GNG7: variants seen among roughly 807,000 people sequenced by gnomAD.
The protein encoded by GNG7 is G protein subunit gamma 7.
In GNG7, 1 loss-of-function variant was observed where a neutral mutation model predicts 4.0. That is an observed-to-expected ratio of 0.25 (90% confidence interval 0.09 to 1.18). The LOEUF (loss-of-function observed/expected upper bound fraction) is 1.18, where lower values mean the gene tolerates loss of function less well. GNG7 is among the 50% of genes most tolerant of loss of function. The pLI is 0.50. For synonymous variants in GNG7, 34 were observed against 36.9 expected (o/e 0.92, Z 0.29); for missense variants, 86 against 91.9 (o/e 0.94, Z 0.26).
Position 2,602,952 on chromosome 19 carries a change from TTTTC to T in GNG7, c.-78+43268_-78+43271del, listed in dbSNP as rs1247641747. On this transcript the variant is annotated intron_variant, in intron 2 of 4. Coordinates refer to ENST00000382159, the MANE Select transcript of GNG7 (RefSeq NM_052847.3). The stretch of plus-strand genomic sequence containing the variant: ...GTTTCTTCCTTTCTTCCTTTCTTTC[TTTTC>T]TTTCTCTTTCTTTCTTTCTCTCTCT... Among the ~76,000 whole-genome samples the T allele has an allele frequency of 2.7e-5, 4 of 148,402 alleles. 1 individual carries two copies. In the South Asian group the frequency reaches 6.2e-4, roughly 23 times the overall value.
In GNG7 at chr19:2,546,987, G is replaced by A. The variant is rs182902611; in HGVS notation, c.-38+8162C>T. ...CCGGCCTCGTGACGGTGGTGCTCGG[G>A]AGCTGAAGGGCAGGAGGGTTAGGAA... On this transcript the variant is annotated intron_variant, in intron 3 of 4. Transcript: ENST00000382159. The surrounding 1 kb of genome is among the most constrained non-coding windows in gnomAD (Gnocchi z 6.3). Among the ~76,000 whole-genome samples the A allele has an allele frequency of 0.01, 1,553 of 152,100 alleles. 22 individuals carry two copies. Among genetic ancestry groups the A allele is most frequent in the African/African-American group, 0.035 (1,463 of 41,488 alleles).
intron 3 of GNG7, among the ~76,000 whole-genome samples, chr19:2,522,756 A>C (rs1402080740): frequency 2.7e-5 from 2 of 74,404 alleles, no homozygotes; most frequent in South Asian, 5.3e-4. Flanking sequence ...TGTCTCAAAA[A>C]AAAAAAAAAA....
In GNG7 at chr19:2,512,830, T is replaced by A; in HGVS notation, c.*2192A>T. On this transcript the variant is annotated 3_prime_UTR_variant, in exon 5 of 5. Transcript: ENST00000382159. This position sits in a 1 kb window ranked among gnomAD's most constrained non-coding sequence, Gnocchi z 4.7. ...AGGGTGGAGGCAGGCGGGCTCTCCC[T>A]GCCTGGGGTCCTCCCAGGGTCTCTG... The A allele has an allele frequency of 1.1e-6, 1 of 899,422 alleles. No individual in the cohort carries two copies. Among genetic ancestry groups the A allele is most frequent in the Non-Finnish European group, 1.3e-6 (1 of 751,278 alleles). 55.7% of individuals were successfully genotyped at this position (899,422 alleles called of 1,614,324 possible).
chr19:2,616,460 G>C (rs1244661665), intron 2 of GNG7, among the ~76,000 whole-genome samples: 3 of 152,044 alleles, frequency 2.0e-5, no homozygotes, highest in Non-Finnish European at 2.9e-5. Flanking sequence ...AGCCAGGCTA[G>C]AGACTCCATC....
chr19:2,575,789 G>A (rs1178787214), intron 2 of GNG7, among the ~76,000 whole-genome samples: 21 of 99,400 alleles, frequency 2.1e-4, no homozygotes, highest in Admixed American at 6.7e-4. Flanking sequence ...ATGCAGACAC[G>A]CAGGCACACA....
chr19:2,542,259 C>T (rs1020783764), intron 3 of GNG7, among the ~76,000 whole-genome samples: 30 of 151,832 alleles, frequency 2.0e-4, no homozygotes, highest in East Asian at 9.7e-4. Context: ...CGATTACAGG[C>T]GCTCACAACC....
rs759371680 is a variant in GNG7, at chr19:2,515,030, T to G, written c.199A>C (p.Ile67Leu). 6.2e-7 allele frequency: 1 copy of G among 1,612,388 alleles called. No homozygotes were observed. The highest frequency in any genetic ancestry group is 8.5e-7 in the Non-Finnish European group (1 of 1,178,784). ...AACATATGAGAACACAGTTATAAAA[T>G]AATACAAGGTTTCTTGTCCTTAAAG... is the stretch of plus-strand genomic sequence containing the variant. ...NPFKDKKPCI[I>L]L The change falls in exon 5 of 5, where the codon ATT becomes CTT. Residue 67 changes from isoleucine to leucine, a missense_variant. Ile to Leu is a conservative substitution (Grantham distance 5). Transcript: ENST00000382159.
At chr19:2,563,314 T>C (rs1321732907) in intron 2 of GNG7, among the ~76,000 whole-genome samples, 1 of 152,114 alleles carries the variant, frequency 6.6e-6, no homozygotes, top group Non-Finnish European at 1.5e-5. Context: ...GCCTGGATCA[T>C]TCTCTGGGGT....
chr19:2,602,184 A>AG (rs1981218606), intron 2 of GNG7, among the ~76,000 whole-genome samples: 1 of 152,144 alleles, frequency 6.6e-6, no homozygotes, highest in African/African-American at 2.4e-5. Context: ...TAAAAATGCA[A>AG]AAATTAGCCG....
chr19:2,516,362 C>T (rs1459558839), intron 4 of GNG7, among the ~76,000 whole-genome samples: 7 of 151,942 alleles, frequency 4.6e-5, no homozygotes, highest in Admixed American at 4.6e-4. Context: ...GTAGCTGGGA[C>T]TACAGGTGCC....
At position 2,514,893 on chromosome 19, in the gene GNG7, A is replaced by T; in HGVS notation, c.*129T>A. On this transcript the variant is annotated 3_prime_UTR_variant, in exon 5 of 5. Transcript: ENST00000382159. ...GAGAGGGGGGATTTCTTTTGGAATT[A>T]AAGGTTTTGGGGACTTGAGATGTTT... The T allele has an allele frequency of 1.3e-6, 1 of 746,378 alleles. No homozygotes were observed. Among genetic ancestry groups the T allele is most frequent in the Non-Finnish European group, 2.1e-6 (1 of 465,222 alleles). 46.2% of individuals were successfully genotyped at this position (746,378 alleles called of 1,614,324 possible). A position where few individuals can be genotyped will look rare whatever the true frequency, so the allele number is the denominator to read the frequency against.
chr19:2,679,707 C>G (rs1028710969), intron 1 of GNG7, among the ~76,000 whole-genome samples: 1 of 152,128 alleles, frequency 6.6e-6, no homozygotes, highest in Non-Finnish European at 1.5e-5. Context: ...TTTACATATC[C>G]TATTCCCCCA....
intron 2 of GNG7, among the ~76,000 whole-genome samples, chr19:2,582,750 C>G (rs932670750): frequency 1.2e-4 from 17 of 146,250 alleles, no homozygotes; most frequent in African/African-American, 4.3e-4. Context: ...CTCACTGCAA[C>G]CTCCACCTAC....
At chr19:2,607,710 A>G (rs1981434969) in intron 2 of GNG7, among the ~76,000 whole-genome samples, 1 of 152,180 alleles carries the variant, frequency 6.6e-6, no homozygotes, top group Non-Finnish European at 1.5e-5. Flanking sequence ...ATGTAGGCTC[A>G]GCCTGGCACT....
intron 3 of GNG7, among the ~76,000 whole-genome samples, chr19:2,542,018 T>A (rs938227589): frequency 6.6e-6 from 1 of 151,006 alleles, no homozygotes; most frequent in African/African-American, 2.4e-5. Context: ...TGTCTGGGGC[T>A]GGCTGCAGGG....
intron 1 of GNG7, among the ~76,000 whole-genome samples, chr19:2,682,639 G>C (rs1208689788): frequency 1.4e-5 from 2 of 141,324 alleles, no homozygotes; most frequent in Non-Finnish European, 3.0e-5. Context: ...CTGGGCAACA[G>C]GGCGAGACTC....
Position 2,626,279 on chromosome 19 carries a change from C to A in GNG7, c.-78+19945G>T, listed in dbSNP as rs967468360. ...CCCTGCCCCAAACCAGCCTGACCAG[C>A]GGCACCGTGGAAACCCACCGGGATC... On this transcript the variant is annotated intron_variant, in intron 2 of 4. Transcript: ENST00000382159. This position sits in a 1 kb window ranked among gnomAD's most constrained non-coding sequence, Gnocchi z 5.0. Among the ~76,000 whole-genome samples the A allele has an allele frequency of 1.3e-5, 2 of 152,124 alleles. No individual in the cohort carries two copies. Among genetic ancestry groups the A allele is most frequent in the Admixed American group, 1.3e-4 (2 of 15,266 alleles).
Position 2,514,968 on chromosome 19 carries a change from C to G in GNG7, c.*54G>C, listed in dbSNP as rs1215980941. The G allele has an allele frequency of 4.8e-6, 6 of 1,238,726 alleles. No individual in the cohort carries two copies. Among genetic ancestry groups the G allele is most frequent in the African/African-American group, 3.0e-5 (2 of 66,406 alleles). 76.7% of individuals were successfully genotyped at this position (1,238,726 alleles called of 1,614,324 possible). A position where few individuals can be genotyped will look rare whatever the true frequency, so the allele number is the denominator to read the frequency against. On this transcript the variant is annotated 3_prime_UTR_variant, in exon 5 of 5. Coordinates refer to ENST00000382159, the MANE Select transcript of GNG7 (RefSeq NM_052847.3). Reference sequence around the variant, plus strand: ...GCCCTGCCTGAGACAGAGACAGAGACAGAGAGAGAGAGAGAGAAAGAGAGA... The same window carrying G: ...GCCCTGCCTGAGACAGAGACAGAGAGAGAGAGAGAGAGAGAGAAAGAGAGA...
chr19:2,656,966 G>A (rs2144873106), intron 1 of GNG7, among the ~76,000 whole-genome samples: 1 of 152,224 alleles, frequency 6.6e-6, no homozygotes, highest in African/African-American at 2.4e-5. Flanking sequence ...GGAATCCTCT[G>A]GGGGTGGGGC....
Sources: gnomAD v4.1 joint callset for allele counts (sites outside exome capture counted in the v4.1 genomes callset) on GRCh38, gnomAD v4.1.1 for gene constraint, Gnocchi (gnomAD v3.1) non-coding constraint, MANE v1.5 for transcripts, NCBI Gene and HGNC (gene_info 2026-07-23, HGNC 2026-07-21) for gene names.